Variants in EXOC4 observed in about 807,000 individuals in gnomAD.
EXOC4 encodes SEC8-like 1.
Under a neutral mutation model 107.2 loss-of-function variants are expected in EXOC4, and 71 were observed. The observed-to-expected ratio is 0.66, with a 90% CI of 0.55 to 0.81. The LOEUF is 0.81. Among genes scored for constraint, EXOC4 ranks in the 30% least tolerant of loss-of-function variants. The pLI is 0.00. For synonymous variants in EXOC4, 456 were observed against 441.2 expected, an observed-to-expected ratio of 1.03 and a Z score of -0.42; for missense variants, 1,108 against 1,189.6, an observed-to-expected ratio of 0.93 and a Z score of 1.01.
At chr7:133,633,055 C>T (rs543386727) in intron 10 of EXOC4, among the ~76,000 whole-genome samples, 13 of 152,284 alleles carry the variant, frequency 8.5e-5, no homozygotes, top group African/African-American at 3.1e-4. Flanking sequence ...TTACTAGACT[C>T]TGATTATGCC....
At position 133,817,344 on chromosome 7, in the gene EXOC4, C is replaced by G. The variant is rs1440100319; in HGVS notation, c.1534C>G (p.His512Asp). The G allele has an allele frequency of 1.2e-6, 2 of 1,613,380 alleles. No individual in the cohort carries two copies. The highest frequency in any genetic ancestry group is 1.7e-6 in the Non-Finnish European group (2 of 1,179,514). Reference protein sequence around the residue: ...PLLRFIQEIEHALGLGPAKQC... With the variant: ...PLLRFIQEIEDALGLGPAKQC... ...CTCCAGATTTATTCAGGAGATTGAG[C>G]ATGCTCTGGGTCTTGGCCCAGCCAA... Residue 512 changes from histidine (H) to aspartate (D), a missense_variant, in exon 11 of 18, where the codon CAT becomes GAT. Coordinates refer to ENST00000253861, the MANE Select transcript of EXOC4 (RefSeq NM_021807.4).
At chr7:133,381,743 CCATCTTA>C (rs1563044096) in intron 7 of EXOC4, among the ~76,000 whole-genome samples, 1 of 152,194 alleles carries the variant, frequency 6.6e-6, no homozygotes, top group East Asian at 1.9e-4. Context: ...ATTCTTAGCT[CCATCTTA>C]CACCTTATGA....
At chr7:133,642,947 G>A (rs895099260) in intron 10 of EXOC4, among the ~76,000 whole-genome samples, 3 of 152,062 alleles carry the variant, frequency 2.0e-5, no homozygotes, top group Admixed American at 6.6e-5. Flanking sequence ...AAGAATCAGC[G>A]CATGTATCCC....
rs1585005593 is a variant in EXOC4 at position 133,572,737 on chromosome 7, G to A, written c.1418-57308G>A. Among the ~76,000 whole-genome samples, 4 of 152,086 alleles carry A rather than the reference G, an allele frequency of 2.6e-5. No individual in the cohort carries two copies. In the South Asian group the frequency reaches 8.3e-4, roughly 32 times the overall value. ...TTGGCATTCCAGGGAAGCTTTTGGG[G>A]TCCTTAAATGTCATTCCACTGAAAC... is the stretch of plus-strand genomic sequence containing the variant. On this transcript the variant is annotated intron_variant, in intron 9 of 17. Transcript: ENST00000253861.
chr7:134,043,787 T>G (rs978279268), intron 17 of EXOC4, among the ~76,000 whole-genome samples: 2 of 152,090 alleles, frequency 1.3e-5, no homozygotes, highest in Non-Finnish European at 2.9e-5. Context: ...GGGTAGTTGT[T>G]GAGAAGGAAG....
intron 1 of EXOC4, among the ~76,000 whole-genome samples, chr7:133,257,366 GCACACA>G (rs35107499): frequency 3.3e-5 from 5 of 149,798 alleles, no homozygotes; most frequent in African/African-American, 4.9e-5. Context: ...TTACACACAC[GCACACA>G]CACACACACA....
At chr7:134,087,739 C>T in the EXOC4 span, among the ~76,000 whole-genome samples, 8 of 152,156 alleles carry the variant, frequency 5.3e-5, no homozygotes, top group Non-Finnish European at 1.5e-5. Context: ...GAAATAAACT[C>T]ATAAACAACT....
intron 17 of EXOC4, among the ~76,000 whole-genome samples, chr7:134,038,013 C>T (rs1002301869): frequency 6.6e-6 from 1 of 152,130 alleles, no homozygotes; most frequent in African/African-American, 2.4e-5. Context: ...ACTTATCTTC[C>T]ACTGTTTACC....
intron 7 of EXOC4, among the ~76,000 whole-genome samples, chr7:133,473,177 G>A (rs1325276395): frequency 6.6e-6 from 1 of 152,126 alleles, no homozygotes; most frequent in Non-Finnish European, 1.5e-5. Context: ...CAAATATACA[G>A]TATAATTTAG....
intron 7 of EXOC4, among the ~76,000 whole-genome samples, chr7:133,449,012 G>A (rs1413102929): frequency 1.3e-5 from 2 of 152,200 alleles, no homozygotes; most frequent in African/African-American, 2.4e-5. Flanking sequence ...GGAGGCTGAG[G>A]CATTAGAATC....
chr7:133,868,383 A>G (rs900118523), intron 11 of EXOC4, among the ~76,000 whole-genome samples: 2 of 152,320 alleles, frequency 1.3e-5, no homozygotes, highest in South Asian at 4.1e-4. Flanking sequence ...GGCATCCAGT[A>G]TATGTGAATT....
At chr7:133,467,226 CTT>C (rs11422455) in intron 7 of EXOC4, among the ~76,000 whole-genome samples, 1 of 143,906 alleles carries the variant, frequency 6.9e-6, no homozygotes, top group Non-Finnish European at 1.5e-5. Flanking sequence ...TTTATTTCTC[CTT>C]TTTTTTTTTT....
chr7:133,544,381 G>A (rs1047519493), intron 9 of EXOC4, among the ~76,000 whole-genome samples: 1 of 152,098 alleles, frequency 6.6e-6, no homozygotes, highest in Non-Finnish European at 1.5e-5. Flanking sequence ...TGCTGGTAAA[G>A]TGACTTTTAT....
chr7:133,381,279 C>A (rs767915201), intron 7 of EXOC4, among the ~76,000 whole-genome samples: 1 of 151,938 alleles, frequency 6.6e-6, no homozygotes, highest in Non-Finnish European at 1.5e-5. Flanking sequence ...AAGCTATATA[C>A]CCATCAATAA....
At chr7:134,056,231 A>G (rs751454132) in intron 17 of EXOC4, among the ~76,000 whole-genome samples, 8 of 152,172 alleles carry the variant, frequency 5.3e-5, no homozygotes, top group Non-Finnish European at 1.0e-4. Context: ...TTGATGAACT[A>G]TTTTCTTAAA....
At chr7:133,342,207 G>GT (rs1207534066) in intron 5 of EXOC4, among the ~76,000 whole-genome samples, 1 of 151,980 alleles carries the variant, frequency 6.6e-6, no homozygotes, top group African/African-American at 2.4e-5. Context: ...TAGAGCTCCT[G>GT]TTAGCAGTTC....
chr7:134,100,327 G>T, the EXOC4 span, among the ~76,000 whole-genome samples: 4,495 of 77,392 alleles, frequency 0.058, 860 homozygotes, highest in African/African-American at 0.14. Context: ...GAGGGAGCAA[G>T]CCTCTACCAA....
intron 9 of EXOC4, among the ~76,000 whole-genome samples, chr7:133,581,572 C>A (rs549557064): frequency 0.03 from 4,478 of 151,474 alleles, 101 homozygotes; most frequent in South Asian, 0.058. Context: ...TCCTGGCTAA[C>A]ACGGTGAAAC....
intron 2 of EXOC4, among the ~76,000 whole-genome samples, chr7:133,278,892 A>G (rs1453768475): frequency 6.6e-6 from 1 of 152,106 alleles, no homozygotes; most frequent in Non-Finnish European, 1.5e-5. Context: ...ATATGTATAC[A>G]TGTGCCATGT....
Sources: gnomAD v4.1 joint callset for allele counts (sites outside exome capture counted in the v4.1 genomes callset) on GRCh38, gnomAD v4.1.1 for gene constraint, MANE v1.5 for transcripts, NCBI Gene and HGNC (gene_info 2026-07-23, HGNC 2026-07-21) for gene names.